Variants in SLC26A3 observed in about 807,000 individuals in gnomAD.
SLC26A3 encodes the protein chloride anion exchanger.
A neutral mutation model predicts 85.6 loss-of-function variants in SLC26A3; 64 were observed. The observed-to-expected ratio is 0.75, with a 90% CI of 0.61 to 0.92. The LOEUF is 0.92. Among genes scored for constraint, SLC26A3 ranks in the 40% least tolerant of loss-of-function variants. The pLI is 0.00. For missense variants in SLC26A3, 922 were observed against 927.3 expected (o/e 0.99, Z 0.07); for synonymous variants, 349 against 336.0 (o/e 1.04, Z -0.42).
At chr7:107,800,903 C>T (rs902743138) in intron 1 of SLC26A3, among the ~76,000 whole-genome samples, 2 of 152,176 alleles carry the variant, frequency 1.3e-5, no homozygotes. Flanking sequence ...GGGCAATAAG[C>T]AAATCATGTG....
At chr7:107,777,244 A>G (rs1263793792) in intron 13 of SLC26A3, among the ~76,000 whole-genome samples, 1 of 152,174 alleles carries the variant, frequency 6.6e-6, no homozygotes, top group Non-Finnish European at 1.5e-5. Context: ...CTGTCACACC[A>G]TGTAATTCAA....
intron 3 of SLC26A3, among the ~76,000 whole-genome samples, chr7:107,792,393 C>G (rs1252205727): frequency 1.3e-5 from 2 of 151,772 alleles, no homozygotes; most frequent in African/African-American, 4.8e-5. Flanking sequence ...GCTTGTTTTC[C>G]TGCAACTAGA....
chr7:107,791,701 C>G lies in SLC26A3; in HGVS notation c.382+129G>C, dbSNP rs1371088315. 1.3e-5 allele frequency: 9 copies of G among 675,526 alleles called. No homozygotes were observed. The Admixed American group carries it at 1.7e-4, about 13-fold the overall frequency. 41.8% of individuals were successfully genotyped at this position (675,526 alleles called of 1,614,324 possible). On this transcript the variant is annotated intron_variant, in intron 4 of 20. Transcript: ENST00000340010. The stretch of plus-strand genomic sequence containing the variant: ...CTGCCCTCCATCTCAAACCCTGGTC[C>G]TAATTCTCACAGGAGACCATGACTC...
intron 8 of SLC26A3, among the ~76,000 whole-genome samples, 198 bp from the exon 9 acceptor site, chr7:107,783,550 T>C (rs1794244666): frequency 6.6e-6 from 1 of 152,250 alleles, no homozygotes; most frequent in Non-Finnish European, 1.5e-5. Context: ...CTGAATTTGG[T>C]AAAAGACTGC....
chr7:107,779,582 G>A, intron 12 of SLC26A3, 86 bp downstream of exon 12: 2 of 1,107,084 alleles, frequency 1.8e-6, no homozygotes, highest in African/African-American at 1.5e-5. Flanking sequence ...ATTTCACTTA[G>A]TTTACAATAT....
intron 13 of SLC26A3, among the ~76,000 whole-genome samples, chr7:107,777,601 A>G (rs919181493): frequency 6.6e-6 from 1 of 152,126 alleles, no homozygotes; most frequent in Non-Finnish European, 1.5e-5. Context: ...AAAAGACAAT[A>G]AATAAATAAA....
intron 8 of SLC26A3, among the ~76,000 whole-genome samples, chr7:107,785,004 T>A (rs1047592473): frequency 6.6e-6 from 1 of 152,122 alleles, no homozygotes; most frequent in Non-Finnish European, 1.5e-5. Context: ...ACCTTCCAGT[T>A]ATAGTCTATT....
In SLC26A3 at chr7:107,775,708, C is replaced by T. The variant is rs1286724435; in HGVS notation, c.1677+744G>A. Among the ~76,000 whole-genome samples, 6 of 151,106 alleles carry T rather than the reference C, an allele frequency of 4.0e-5. No homozygotes were observed. In the South Asian group the frequency reaches 8.3e-4, roughly 21 times the overall value. On this transcript the variant is annotated intron_variant, in intron 15 of 20. Transcript: ENST00000340010. ...GATCATGCCAGCCTGGGTGACAAAG[C>T]GAGACCTTGTCTCAAAAAAAAAAAT...
At chr7:107,787,246 C>T in intron 7 of SLC26A3, 111 bp downstream of exon 7, 1 of 1,059,872 alleles carries the variant, frequency 9.4e-7, no homozygotes. Flanking sequence ...TGCCCGAAAA[C>T]TGCAGAGATG....
At chr7:107,796,437 G>T (rs1562882778) in intron 1 of SLC26A3, among the ~76,000 whole-genome samples, 2 of 151,940 alleles carry the variant, frequency 1.3e-5, no homozygotes, top group African/African-American at 4.8e-5. Context: ...TTCTTTCTGG[G>T]CCTCTCCTCC....
intron 18 of SLC26A3, 97 bp downstream of exon 18, chr7:107,771,957 A>G: frequency 4.9e-6 from 4 of 822,982 alleles, no homozygotes; most frequent in Admixed American, 3.6e-5. Context: ...TCATGATTAT[A>G]TAAAATACTC....
Position 107,789,596 on chromosome 7 carries a change from A to C in SLC26A3, c.663T>G (p.Val221=). The stretch of plus-strand genomic sequence containing the variant: ...AAATGAATTTGAGTTGGGAAACCAA[A>C]ACATGAACAGCAGCAGCAGTAGTGA... ...SGFTTAAAVH[V]LVSQLKFIFQ... is the part of the protein sequence containing the mutation. Residue 221 remains valine (V), a synonymous_variant, in exon 6 of 21, where the codon GTT becomes GTG. Coordinates refer to ENST00000340010, the MANE Select transcript of SLC26A3 (RefSeq NM_000111.3). 6 of 1,614,148 alleles carry C rather than the reference A, an allele frequency of 3.7e-6. No individual in the cohort carries two copies. Among genetic ancestry groups the C allele is most frequent in the Non-Finnish European group, 5.1e-6 (6 of 1,179,998 alleles).
rs748296975 is a variant in SLC26A3 at position 107,794,419 on chromosome 7, G to A, written c.91C>T (p.His31Tyr). The A allele has an allele frequency of 6.2e-7, 1 of 1,613,954 alleles. No individual in the cohort carries two copies. The highest frequency in any genetic ancestry group is 8.5e-7 in the Non-Finnish European group (1 of 1,179,848). The stretch of plus-strand genomic sequence containing the variant: ...AGATGATCCAGAAATGTCTTATGAT[G>A]TCTTCCTGTCTTTTTATGATTTTCC... ...FEENHKKTGR[H>Y]HKTFLDHLKV... is the part of the protein sequence containing the mutation. Residue 31 changes from histidine to tyrosine, a missense_variant, in exon 2 of 21, where the codon CAT (histidine) becomes TAT (tyrosine). Coordinates refer to ENST00000340010, the MANE Select transcript of SLC26A3 (RefSeq NM_000111.3).
chr7:107,795,700 C>T (rs1247099662), intron 1 of SLC26A3, among the ~76,000 whole-genome samples: 1 of 152,084 alleles, frequency 6.6e-6, no homozygotes, highest in Non-Finnish European at 1.5e-5. Flanking sequence ...TAAACATAAT[C>T]GAAGAACATT....
chr7:107,802,867 C>T (rs1023051219), intron 1 of SLC26A3, among the ~76,000 whole-genome samples: 1 of 150,686 alleles, frequency 6.6e-6, no homozygotes, highest in African/African-American at 2.5e-5. Context: ...TTTGAAAAGG[C>T]TATTTAAGAC....
chr7:107,786,964 G>A, intron 7 of SLC26A3, 55 bp from the exon 8 acceptor site: 1 of 1,454,192 alleles, frequency 6.9e-7, no homozygotes, highest in Non-Finnish European at 9.6e-7. Flanking sequence ...TAAGAGTCTT[G>A]CTTTGAAGAA....
intron 1 of SLC26A3, among the ~76,000 whole-genome samples, chr7:107,799,149 C>T (rs1794560021): frequency 6.6e-6 from 1 of 152,056 alleles, no homozygotes; most frequent in South Asian, 2.1e-4. Context: ...ATTAAGAGAG[C>T]TCAGAAGGGG....
chr7:107,794,445 T>C lies in SLC26A3; in HGVS notation c.65A>G (p.Glu22Gly). 6.2e-7 allele frequency: 1 copy of C among 1,613,900 alleles called. No individual in the cohort carries two copies. The highest frequency in any genetic ancestry group is 8.5e-7 in the Non-Finnish European group (1 of 1,179,786). The part of the protein sequence containing the change: ...ARPVYSTNAF[E>G]ENHKKTGRHH... ...TCTTCCTGTCTTTTTATGATTTTCC[T>C]CAAAAGCATTTGTAGAATACACTGG... The change falls in exon 2 of 21, where the codon GAG becomes GGG. Residue 22 changes from glutamate (E) to glycine (G), a missense_variant. Physicochemically the swap from Glu to Gly is moderately conservative, Grantham distance 98 (BLOSUM62 -2). Coordinates refer to ENST00000340010, the MANE Select transcript of SLC26A3 (RefSeq NM_000111.3).
intron 8 of SLC26A3, among the ~76,000 whole-genome samples, chr7:107,785,851 C>G (rs945695399): frequency 2.0e-5 from 3 of 151,904 alleles, no homozygotes; most frequent in African/African-American, 7.3e-5. Context: ...TTCTCGAATT[C>G]TCAAATATTT....
Sources: gnomAD v4.1 joint callset for allele counts (sites outside exome capture counted in the v4.1 genomes callset) on GRCh38, gnomAD v4.1.1 for gene constraint, MANE v1.5 for transcripts, NCBI Gene and HGNC (gene_info 2026-07-23, HGNC 2026-07-21) for gene names.